EIF2A: variants seen among roughly 807,000 people sequenced by gnomAD.
The protein encoded by EIF2A is 65 kDa eukaryotic translation initiation factor 2A.
Under a neutral mutation model 75.2 loss-of-function variants are expected in EIF2A, and 62 were observed. That is an observed-to-expected ratio of 0.82 (90% CI 0.67 to 1.02). EIF2A has a LOEUF of 1.02. Among genes scored for constraint, EIF2A ranks in the 50% least tolerant of loss-of-function variants. The pLI, the probability that EIF2A is intolerant of heterozygous loss-of-function variation, is 0.00. For synonymous variants in EIF2A, 207 were observed against 239.0 expected, an observed-to-expected ratio of 0.87 and a Z score of 1.23; for missense variants, 611 against 677.7, an observed-to-expected ratio of 0.90 and a Z score of 1.09.
At chr3:150,557,483 C>G (rs1723628124) in intron 2 of EIF2A, 1 of 195,260 alleles carries the variant, frequency 5.1e-6, no homozygotes. Context: ...TCACTGCAAC[C>G]TCTGCCTCCT....
chr3:150,552,322 A>G, intron 1 of EIF2A, 34 bp from the exon 2 acceptor site: 1 of 1,531,244 alleles, frequency 6.5e-7, no homozygotes. Flanking sequence ...TTATTAACAA[A>G]GTAATTGTGG....
At chr3:150,558,581 A>T (rs1372314587) in intron 3 of EIF2A, 119 bp downstream of exon 3, 7 of 864,004 alleles carry the variant, frequency 8.1e-6, no homozygotes, top group Non-Finnish European at 1.1e-5. Flanking sequence ...GTCATGATGT[A>T]GTGAGATATT....
At chr3:150,550,965 T>A (rs1340845509) in intron 1 of EIF2A, among the ~76,000 whole-genome samples, 1 of 152,176 alleles carries the variant, frequency 6.6e-6, no homozygotes, top group Non-Finnish European at 1.5e-5. Context: ...GCCTGAGCCC[T>A]ATTTTGTTTT....
intron 10 of EIF2A, among the ~76,000 whole-genome samples, chr3:150,573,269 T>C (rs1432314658): frequency 6.6e-6 from 1 of 152,184 alleles, no homozygotes; most frequent in Non-Finnish European, 1.5e-5. Flanking sequence ...CAGGATTTTT[T>C]TGAGACAGAG....
At chr3:150,564,539 C>A in intron 6 of EIF2A, 158 bp downstream of exon 6, 2 of 493,244 alleles carry the variant, frequency 4.1e-6, no homozygotes, top group Non-Finnish European at 6.7e-6. Flanking sequence ...AGTCTGAATT[C>A]AGTGAAAATC....
intron 10 of EIF2A, 113 bp from the exon 11 acceptor site, chr3:150,575,536 G>C: frequency 1.2e-6 from 1 of 800,836 alleles, no homozygotes; most frequent in East Asian, 3.0e-5. Flanking sequence ...CTTTGCTAAT[G>C]ATCTTAAATT....
At chr3:150,580,329 T>C (rs1725108756) in intron 11 of EIF2A, among the ~76,000 whole-genome samples, 1 of 152,140 alleles carries the variant, frequency 6.6e-6, no homozygotes. Context: ...CCGAACCCTA[T>C]AGAGACTGTG....
chr3:150,572,115 C>T lies in EIF2A; in HGVS notation c.969C>T (p.Ser323=). 1 of 1,613,934 alleles carries T rather than the reference C, an allele frequency of 6.2e-7. No individual in the cohort carries two copies. The highest frequency in any genetic ancestry group is 8.5e-7 in the Non-Finnish European group (1 of 1,179,892). Residue 323 remains serine, a synonymous_variant, in exon 10 of 14, where the codon AGC becomes AGT. Coordinates refer to ENST00000460851, the MANE Select transcript of EIF2A (RefSeq NM_032025.5). ...GTGPRNAAYY[S]PHGHILVLAG... ...GTCCTCGTAATGCAGCCTACTATAG[C>T]CCTCATGGACATATATTAGTATTAG...
chr3:150,551,490 T>C (rs1723312513), intron 1 of EIF2A, among the ~76,000 whole-genome samples: 1 of 151,882 alleles, frequency 6.6e-6, no homozygotes, highest in South Asian at 2.1e-4. Context: ...CTCAGCACTT[T>C]GTGAGGCTGA....
chr3:150,548,712 T>G (rs1723167647), intron 1 of EIF2A, among the ~76,000 whole-genome samples: 1 of 152,200 alleles, frequency 6.6e-6, no homozygotes, highest in Non-Finnish European at 1.5e-5. Context: ...ATAGCCACTT[T>G]ATAGTAAATT....
At position 150,567,761 on chromosome 3, in the gene EIF2A, T is replaced by C; in HGVS notation, c.544T>C (p.Tyr182His). The C allele has an allele frequency of 6.4e-7, 1 of 1,566,120 alleles. No individual in the cohort carries two copies. Among genetic ancestry groups the C allele is most frequent in the Non-Finnish European group, 8.7e-7 (1 of 1,154,512 alleles). Residue 182 changes from tyrosine to histidine, a missense_variant, in exon 7 of 14, where the codon TAC becomes CAC. Tyr to His is a moderately conservative substitution (Grantham distance 83, BLOSUM62 2). Transcript: ENST00000460851. ...DFVLSPGPQP[Y>H]KVAVYVPGSK... ...TGTATTATCACCTGGACCCCAACCA[T>C]ACAAGGTAATTGCTGTTTTTGTTTA... is the stretch of plus-strand genomic sequence containing the variant.
chr3:150,577,892 A>G (rs1724961794), intron 11 of EIF2A, among the ~76,000 whole-genome samples: 1 of 152,100 alleles, frequency 6.6e-6, no homozygotes, highest in African/African-American at 2.4e-5. Flanking sequence ...TTTTAGAAAA[A>G]CCATTCTGTT....
Position 150,572,019 on chromosome 3 carries a change from AT to A in EIF2A, c.874del (p.Tyr292MetfsTer13), listed in dbSNP as rs762888932. The A allele has an allele frequency of 3.1e-6, 5 of 1,613,806 alleles. No individual in the cohort carries two copies. Among genetic ancestry groups the A allele is most frequent in the Non-Finnish European group, 2.5e-6 (3 of 1,179,882 alleles). On this transcript the variant is annotated frameshift_variant, in exon 10 of 14. Coordinates refer to ENST00000460851, the MANE Select transcript of EIF2A (RefSeq NM_032025.5). LOFTEE classifies it high-confidence loss of function. ...CTAGTTCTACTGAGTTTTGTGCTGT[AT>A]ATGGTTTTATGCCTGCCAAAGCGAC... ...NSSSTEFCAV[Y>X]GFMPAKATIF... is the part of the protein sequence containing the mutation.
intron 12 of EIF2A, among the ~76,000 whole-genome samples, chr3:150,582,390 C>G: frequency 6.6e-6 from 1 of 151,550 alleles, no homozygotes. Context: ...TCTCGGCTCA[C>G]TGCAAGCTCC....
In EIF2A at chr3:150,572,462, A is replaced by G; in HGVS notation, c.1316A>G (p.Glu439Gly). ...QAVPSEVPNE[E>G]PKVATAYRPP... ...GTTCCAAGTGAAGTACCCAATGAGG[A>G]ACCTAAAGTTGCAACAGCTTATAGA... The change falls in exon 10 of 14, where the codon GAA (glutamate) becomes GGA (glycine). Residue 439 changes from glutamate (E) to glycine (G), a missense_variant. Transcript: ENST00000460851. The G allele has an allele frequency of 6.2e-7, 1 of 1,614,010 alleles. No individual in the cohort carries two copies. The highest frequency in any genetic ancestry group is 8.5e-7 in the Non-Finnish European group (1 of 1,179,888).
chr3:150,568,556 C>G (rs940549347), intron 9 of EIF2A, among the ~76,000 whole-genome samples: 1 of 152,122 alleles, frequency 6.6e-6, no homozygotes, highest in African/African-American at 2.4e-5. Context: ...TGTAGTAGCT[C>G]TTTTGGAACT....
At position 150,568,193 on chromosome 3, in the gene EIF2A, A is replaced by G. The variant is rs761191099; in HGVS notation, c.712A>G (p.Ile238Val). The G allele has an allele frequency of 1.9e-6, 3 of 1,612,742 alleles. No individual in the cohort carries two copies. Among genetic ancestry groups the G allele is most frequent in the East Asian group, 4.5e-5 (2 of 44,824 alleles). Residue 238 changes from isoleucine (I) to valine (V), a missense_variant, in exon 9 of 14, where the codon ATA becomes GTA. Coordinates refer to ENST00000460851, the MANE Select transcript of EIF2A (RefSeq NM_032025.5). The stretch of plus-strand genomic sequence containing the variant: ...TGTTATAGCTACTGCTGTGTTGGTA[A>G]TAGCTAGCACAGATGTTGACAAGAC... The part of the protein sequence containing the change: ...WNKKATAVLV[I>V]ASTDVDKTGA...
chr3:150,547,515 G>C (rs542571337), intron 1 of EIF2A, among the ~76,000 whole-genome samples: 3 of 152,320 alleles, frequency 2.0e-5, no homozygotes, highest in South Asian at 4.1e-4. Flanking sequence ...AAATGCTGGG[G>C]AAGTTGCTTT....
intron 10 of EIF2A, among the ~76,000 whole-genome samples, chr3:150,574,386 TTTC>T (rs1308664264): frequency 6.6e-6 from 1 of 152,220 alleles, no homozygotes; most frequent in Non-Finnish European, 1.5e-5. Context: ...TAACTTATCT[TTTC>T]TTCTTGTATC....
Sources: allele counts gnomAD v4.1 joint callset (sites outside exome capture counted in the v4.1 genomes callset), GRCh38; gene constraint gnomAD v4.1.1; transcripts MANE v1.5; gene names NCBI Gene and HGNC (gene_info 2026-07-23, HGNC 2026-07-21).